Variants in ACTN3 observed in about 807,000 individuals in gnomAD.
ACTN3 encodes actinin alpha 3.
In ACTN3, 91 loss-of-function variants were observed where a neutral mutation model predicts 119.6. The observed-to-expected ratio is 0.76, with a 90% CI of 0.64 to 0.91. The LOEUF is 0.91. Ranked by LOEUF, ACTN3 falls within the 40% of genes least tolerant of loss-of-function variation. ACTN3 has a pLI of 0.00. For synonymous variants in ACTN3, 456 were observed against 478.8 expected, an observed-to-expected ratio of 0.95 and a Z score of 0.62; for missense variants, 1,221 against 1,215.1, an observed-to-expected ratio of 1.00 and a Z score of -0.07.
In ACTN3 at chr11:66,556,170, T is replaced by A. The variant is rs375363893; in HGVS notation, c.744T>A (p.Asp248Glu). The change falls in exon 8 of 21, where the codon GAT (aspartate) becomes GAA (glutamate). Residue 248 changes from aspartate to glutamate, a missense_variant. Asp to Glu is a conservative substitution (Grantham distance 45, BLOSUM62 2). This residue lies in a region of ACTN3 where 934 missense variants were observed against 899.9 expected (regional missense o/e 1.04). Coordinates refer to ENST00000513398, the MANE Select transcript of ACTN3 (RefSeq NM_001104.4). ...ACATTGTGAACACCCCAAAGCCGGA[T>A]GAGAAGGCCATCATGACCTATGTGT... The part of the protein sequence containing the change: ...AEDIVNTPKP[D>E]EKAIMTYVSC... 1.2e-6 allele frequency: 2 copies of A among 1,613,532 alleles called. No homozygotes were observed. Among genetic ancestry groups the A allele is most frequent in the East Asian group, 2.2e-5 (1 of 44,830 alleles).
At position 66,563,218 on chromosome 11, in the gene ACTN3, C is replaced by A. The variant is rs1857840156; in HGVS notation, c.*25C>A. The stretch of plus-strand genomic sequence containing the variant: ...ACCCCAACCACTGAGGTTCTCTATG[C>A]AAGATGGAGAGAGGATGCACCCTGT... On this transcript the variant is annotated 3_prime_UTR_variant, in exon 21 of 21. Coordinates refer to ENST00000513398, the MANE Select transcript of ACTN3 (RefSeq NM_001104.4). 3 of 1,575,846 alleles carry A rather than the reference C, an allele frequency of 1.9e-6. No homozygotes were observed. Among genetic ancestry groups the A allele is most frequent in the Admixed American group, 1.8e-5 (1 of 56,068 alleles).
intron 19 of ACTN3, 73 bp from the exon 20 acceptor site, chr11:66,562,723 C>A: frequency 2.7e-6 from 4 of 1,503,690 alleles, no homozygotes; most frequent in Non-Finnish European, 3.6e-6. Context: ...TTGGACAGTC[C>A]CCAGGAGGGG....
rs867857611 is a variant in ACTN3 at position 66,561,249 on chromosome 11, G to A, written c.1883G>A (p.Cys628Tyr). 92 of 1,592,166 alleles carry A rather than the reference G, an allele frequency of 5.8e-5. No homozygotes were observed. The highest frequency in any genetic ancestry group is 2.2e-4 in the Middle Eastern group (1 of 4,518). ...CAGGTCCGAAAGCTGGTGCCCAGCT[G>A]TGACCAGACACTGCAGGAGGAGCTG... Reference protein sequence around the residue: ...WDMVRKLVPSCDQTLQEELAR... With the variant: ...WDMVRKLVPSYDQTLQEELAR... Residue 628 changes from cysteine to tyrosine, a missense_variant, in exon 16 of 21, where the codon TGT becomes TAT. Around this residue, in one of 3 missense-constraint regions of ACTN3, gnomAD observed 934 missense variants for 899.9 expected, o/e 1.04. Coordinates refer to ENST00000513398, the MANE Select transcript of ACTN3 (RefSeq NM_001104.4).
At chr11:66,550,413 G>T (rs921154874) in intron 1 of ACTN3, among the ~76,000 whole-genome samples, 3 of 152,316 alleles carry the variant, frequency 2.0e-5, no homozygotes, top group African/African-American at 7.2e-5. Context: ...TCAGAAGGAG[G>T]CTGAGGCTGA....
Position 66,555,146 on chromosome 11 carries a change from G to C in ACTN3, c.574G>C (p.Ala192Pro). 1 of 1,613,922 alleles carries C rather than the reference G, an allele frequency of 6.2e-7. No homozygotes were observed. Residue 192 changes from alanine (A) to proline (P), a missense_variant, in exon 6 of 21, where the codon GCC becomes CCC. Ala to Pro is a conservative substitution (Grantham distance 27, BLOSUM62 -1). Coordinates refer to ENST00000513398, the MANE Select transcript of ACTN3 (RefSeq NM_001104.4). Reference sequence around the variant, plus strand: ...TCTGTCCAGCTGGAAGGATGGCCTGGCCCTCTGTGCCCTCATCCACCGACA... The same window carrying C: ...TCTGTCCAGCTGGAAGGATGGCCTGCCCCTCTGTGCCCTCATCCACCGACA... ...NFHTSWKDGL[A>P]LCALIHRHRP... is the part of the protein sequence containing the mutation.
Position 66,555,215 on chromosome 11 carries a change from G to A in ACTN3, c.636+7G>A. The A allele has an allele frequency of 6.2e-7, 1 of 1,613,792 alleles. No homozygotes were observed. Among genetic ancestry groups the A allele is most frequent in the Non-Finnish European group, 8.5e-7 (1 of 1,179,880 alleles). On this transcript the variant is annotated splice_region_variant and intron_variant, in intron 6 of 20. Coordinates refer to ENST00000513398, the MANE Select transcript of ACTN3 (RefSeq NM_001104.4). ...CTACGCCAAACTGCGAAAGGTAGAG[G>A]CCCCCACCACCCCAGCCCAAGGCCT...
In ACTN3 at chr11:66,562,865, G is replaced by T; in HGVS notation, c.2458G>T (p.Ala820Ser). The T allele has an allele frequency of 6.2e-7, 1 of 1,613,826 alleles. No individual in the cohort carries two copies. The highest frequency in any genetic ancestry group is 8.5e-7 in the Non-Finnish European group (1 of 1,179,816). The change falls in exon 20 of 21, where the codon GCC becomes TCC. Residue 820 changes from alanine (A) to serine (S), a missense_variant. Physicochemically the swap from Ala to Ser is moderately conservative, Grantham distance 99. Coordinates refer to ENST00000513398, the MANE Select transcript of ACTN3 (RefSeq NM_001104.4). Reference sequence around the variant, plus strand: ...CGCAGCTGGGGTGGTGACCTTCCAGGCCTTCATAGACTTCATGACCCGAGA... The same window carrying T: ...CGCAGCTGGGGTGGTGACCTTCCAGTCCTTCATAGACTTCATGACCCGAGA... ...PNAAGVVTFQAFIDFMTRETA... is the reference protein window; with the variant it reads ...PNAAGVVTFQSFIDFMTRETA...
rs543338227 is a variant in ACTN3 at position 66,562,066 on chromosome 11, C to T, written c.2220C>T (p.Arg740=). The change falls in exon 18 of 21, where the codon CGC becomes CGT. Residue 740 remains arginine (R), a synonymous_variant. Transcript: ENST00000513398. ...GWEQLLTSIA[R]TINEVENQVL... ...AGCAGCTGCTCACCTCCATTGCCCG[C>T]ACCATCAATGAAGTGGAGAACCAGG... 7 of 1,613,634 alleles carry T rather than the reference C, an allele frequency of 4.3e-6. No individual in the cohort carries two copies. In the African/African-American group the frequency reaches 5.3e-5, roughly 12 times the overall value.
chr11:66,554,762 C>A, intron 5 of ACTN3, 139 bp downstream of exon 5: 1 of 716,834 alleles, frequency 1.4e-6, no homozygotes, highest in Non-Finnish European at 2.3e-6. Flanking sequence ...GTTCCTGGAA[C>A]AGTGTCTGAA....
At position 66,559,351 on chromosome 11, in the gene ACTN3, C is replaced by T. The variant is rs753206789; in HGVS notation, c.1392C>T (p.Arg464=). The T allele has an allele frequency of 4.5e-6, 7 of 1,566,530 alleles. No homozygotes were observed. In the South Asian group the frequency reaches 8.1e-5, roughly 18 times the overall value. Reference sequence around the variant, plus strand: ...GCGACCTGGCGGCGCACCAGGACCGCGTGGAGCACATTGCCGCGCTGGCCC... The same window carrying T: ...GCGACCTGGCGGCGCACCAGGACCGTGTGGAGCACATTGCCGCGCTGGCCC... ...FESDLAAHQD[R]VEHIAALAQE... is the part of the protein sequence containing the mutation. The change falls in exon 12 of 21, where the codon CGC becomes CGT. Residue 464 remains arginine (R), a synonymous_variant. Transcript: ENST00000513398.
chr11:66,556,029 G>A, intron 7 of ACTN3, 116 bp from the exon 8 acceptor site: 1 of 876,540 alleles, frequency 1.1e-6, no homozygotes, highest in Non-Finnish European at 1.8e-6. Context: ...GGGCTTGGGT[G>A]GCTGGCTGCT....
chr11:66,561,952 G>C (rs938108780), intron 17 of ACTN3, 70 bp from the exon 18 acceptor site: 1 of 1,535,768 alleles, frequency 6.5e-7, no homozygotes, highest in African/African-American at 1.4e-5. Flanking sequence ...TCAGTGAACT[G>C]GATGTGGAGC....
At chr11:66,558,559 G>T (rs930450228) in intron 11 of ACTN3, among the ~76,000 whole-genome samples, 28 of 152,058 alleles carry the variant, frequency 1.8e-4, no homozygotes, top group Admixed American at 1.3e-4. Context: ...GTAGAGATGG[G>T]TTCTCACTTT....
intron 3 of ACTN3, 150 bp downstream of exon 3, chr11:66,551,797 C>A: frequency 1.7e-6 from 2 of 1,197,662 alleles, no homozygotes; most frequent in Non-Finnish European, 1.2e-6. Flanking sequence ...GTATGCCAGC[C>A]AGGCACGGTG....
At position 66,562,989 on chromosome 11, in the gene ACTN3, G is replaced by C. The variant is rs953487316; in HGVS notation, c.2547+35G>C. On this transcript the variant is annotated intron_variant, in intron 20 of 20. Transcript: ENST00000513398. Reference sequence around the variant, plus strand: ...AGGCGGTGGAGGGGCTGGTGGGCTAGGGCAGGGCACGGGACCTGTGGGTCC... The same window carrying C: ...AGGCGGTGGAGGGGCTGGTGGGCTACGGCAGGGCACGGGACCTGTGGGTCC... The C allele has an allele frequency of 1.9e-6, 3 of 1,608,738 alleles. No individual in the cohort carries two copies. The African/African-American group carries it at 4.0e-5, about 21-fold the overall frequency.
At chr11:66,562,680 A>C in intron 19 of ACTN3, 116 bp from the exon 20 acceptor site, 1 of 1,174,750 alleles carries the variant, frequency 8.5e-7, no homozygotes, top group Non-Finnish European at 1.2e-6. Flanking sequence ...GAGGAAGGGA[A>C]CTCCCTTGTT....
Position 66,554,639 on chromosome 11 carries a change from A to G in ACTN3, c.557+16A>G. 2 of 1,603,048 alleles carry G rather than the reference A, an allele frequency of 1.2e-6. No homozygotes were observed. Among genetic ancestry groups the G allele is most frequent in the Admixed American group, 3.4e-5 (2 of 58,576 alleles). ...TCCACACCAGGTCTGTCAGGTGGTT[A>G]CCAAATGTGTCTGGGCCTCTGTGGG... On this transcript the variant is annotated intron_variant, in intron 5 of 20. Coordinates refer to ENST00000513398, the MANE Select transcript of ACTN3 (RefSeq NM_001104.4).
At chr11:66,547,738 C>A (rs1014953225) in intron 1 of ACTN3, among the ~76,000 whole-genome samples, 3 of 152,050 alleles carry the variant, frequency 2.0e-5, no homozygotes, top group African/African-American at 7.3e-5. Context: ...GGCCATAGGT[C>A]GGGGAGGAGG....
chr11:66,561,306 G>A lies in ACTN3; in HGVS notation c.1940G>A (p.Arg647Gln), dbSNP rs1054840351. ...CAGCAGGTAAACGAGAGGCTCCGGC[G>A]ACAGTTTGCGGCCCAGGCCAATGCC... is the stretch of plus-strand genomic sequence containing the variant. ...ARQQVNERLR[R>Q]QFAAQANAIG... Residue 647 changes from arginine (R) to glutamine (Q), a missense_variant, in exon 16 of 21, where the codon CGA becomes CAA. By Grantham distance (43) the Arg-to-Gln change is conservative. Coordinates refer to ENST00000513398, the MANE Select transcript of ACTN3 (RefSeq NM_001104.4). 2.7e-5 allele frequency: 43 copies of A among 1,610,656 alleles called. No homozygotes were observed. The highest frequency in any genetic ancestry group is 3.1e-5 in the Non-Finnish European group (36 of 1,179,004).
Sources: allele counts gnomAD v4.1 joint callset (sites outside exome capture counted in the v4.1 genomes callset), GRCh38; gene constraint gnomAD v4.1.1; regional missense constraint gnomAD v4.1.1; transcripts MANE v1.5; gene names NCBI Gene and HGNC (gene_info 2026-07-23, HGNC 2026-07-21).